The following AKT3 variants were observed in gnomAD, a reference collection of about 807,000 sequenced individuals.
AKT3 encodes the protein AKT serine/threonine kinase 3.
A neutral mutation model predicts 65.3 loss-of-function variants in AKT3; 15 were observed. That is an observed-to-expected ratio of 0.23 (90% CI 0.15 to 0.35). AKT3 has a LOEUF of 0.35. Ranked by LOEUF, AKT3 falls within the 10% of genes least tolerant of loss-of-function variation. AKT3 has a pLI of 1.00. For missense variants in AKT3, 243 were observed against 576.5 expected, an observed-to-expected ratio of 0.42 and a Z score of 5.92; for synonymous variants, 206 against 183.8, an observed-to-expected ratio of 1.12 and a Z score of -0.98.
chr1:243,838,094 C>A (rs1359975557), intron 2 of AKT3, among the ~76,000 whole-genome samples: 1 of 152,086 alleles, frequency 6.6e-6, no homozygotes, highest in African/African-American at 2.4e-5. Flanking sequence ...GTAACAGCAA[C>A]TTTACAATTC....
At chr1:243,690,012 A>T (rs1684587004) in intron 3 of AKT3, among the ~76,000 whole-genome samples, 1 of 152,192 alleles carries the variant, frequency 6.6e-6, no homozygotes, top group African/African-American at 2.4e-5. Context: ...AATTGTGCTT[A>T]TAAATGCAGA....
In AKT3 at chr1:243,501,605, T is replaced by A. The variant is rs2148337630; in HGVS notation, c.*3644A>T. ...AAGTAAAAATGATCCCCTATGTGTG[T>A]GTGTGTGAGCTACAAGGAATTATTT... On this transcript the variant is annotated 3_prime_UTR_variant, in exon 14 of 14. Transcript: ENST00000673466. 1 of 231,224 alleles carries A rather than the reference T, an allele frequency of 4.3e-6. No homozygotes were observed. The highest frequency in any genetic ancestry group is 1.8e-4 in the South Asian group (1 of 5,434). 14.3% of individuals were successfully genotyped at this position (231,224 alleles called of 1,614,324 possible).
chr1:243,614,982 C>A, intron 7 of AKT3, 114 bp downstream of exon 7: 1 of 802,468 alleles, frequency 1.2e-6, no homozygotes. Flanking sequence ...ACGTTCTTTC[C>A]ACAAAGAAAA....
At chr1:243,605,937 G>A (rs1345778676) in intron 8 of AKT3, among the ~76,000 whole-genome samples, 1 of 152,168 alleles carries the variant, frequency 6.6e-6, no homozygotes. Flanking sequence ...GATAGTGAGT[G>A]AGTTCTGATG....
In AKT3 at chr1:243,734,553, T is replaced by TA. The variant is rs201179506; in HGVS notation, c.47-38838dup. ...TACAGTAAAAATACAGTACACAGGG[T>TA]AAAAAAAAAAGTGGCACACCTCTAT... On this transcript the variant is annotated intron_variant, in intron 2 of 13. Coordinates refer to ENST00000673466, the MANE Select transcript of AKT3 (RefSeq NM_005465.7). Among the ~76,000 whole-genome samples the TA allele has an allele frequency of 1.8e-3, 266 of 146,648 alleles. 1 individual carries two copies. Among genetic ancestry groups the TA allele is most frequent in the African/African-American group, 5.2e-3 (208 of 39,998 alleles).
intron 2 of AKT3, among the ~76,000 whole-genome samples, chr1:243,760,566 G>A (rs1347402446): frequency 6.6e-6 from 1 of 152,048 alleles, no homozygotes; most frequent in Non-Finnish European, 1.5e-5. Context: ...GGTGCTTTAG[G>A]GGTCATTTGC....
In AKT3 at chr1:243,641,122, C is replaced by T. The variant is rs142705774; in HGVS notation, c.430-3380G>A. On this transcript the variant is annotated intron_variant, in intron 5 of 13. Coordinates refer to ENST00000673466, the MANE Select transcript of AKT3 (RefSeq NM_005465.7). ...TGCTGTGCTGGAGGCTTCCTGCCCT[C>T]GAACATCAACTCCAAGTTCTTCAGC... Among the ~76,000 whole-genome samples, 513 of 152,022 alleles carry T rather than the reference C, an allele frequency of 3.4e-3. 4 individuals are homozygous for T. The highest frequency in any genetic ancestry group is 0.012 in the African/African-American group (498 of 41,426).
intron 2 of AKT3, among the ~76,000 whole-genome samples, chr1:243,813,174 TA>T (rs958841573): frequency 4.6e-5 from 7 of 150,544 alleles, no homozygotes; most frequent in Admixed American, 1.3e-4. Flanking sequence ...ACTTAAAGTA[TA>T]AAAAAAAAGA....
At chr1:243,681,066 G>A (rs1022861511) in intron 3 of AKT3, among the ~76,000 whole-genome samples, 2 of 152,052 alleles carry the variant, frequency 1.3e-5, no homozygotes, top group Non-Finnish European at 2.9e-5. Flanking sequence ...AAAAAGCACT[G>A]GTCTGGAAAC....
intron 8 of AKT3, among the ~76,000 whole-genome samples, chr1:243,589,431 G>A (rs1485155599): frequency 6.6e-6 from 1 of 151,962 alleles, no homozygotes; most frequent in African/African-American, 2.4e-5. Context: ...ATGAAAAGGT[G>A]CTCAAGATAG....
chr1:243,638,210 T>G (rs1193248521), intron 5 of AKT3, among the ~76,000 whole-genome samples: 2 of 152,118 alleles, frequency 1.3e-5, no homozygotes, highest in African/African-American at 2.4e-5. Context: ...AAGAGAGAGA[T>G]ATAGGATATA....
At chr1:243,604,045 G>A (rs764964754) in intron 8 of AKT3, among the ~76,000 whole-genome samples, 13 of 151,748 alleles carry the variant, frequency 8.6e-5, no homozygotes, top group Admixed American at 2.0e-4. Context: ...ACAGGCATGC[G>A]CCACCAGGCC....
intron 8 of AKT3, among the ~76,000 whole-genome samples, chr1:243,598,849 C>A (rs1286873021): frequency 6.6e-6 from 1 of 152,132 alleles, no homozygotes; most frequent in Non-Finnish European, 1.5e-5. Context: ...GCATCTCCTT[C>A]TAGAAATCAT....
chr1:243,842,000 T>C (rs926412270), intron 2 of AKT3, among the ~76,000 whole-genome samples: 21 of 152,276 alleles, frequency 1.4e-4, no homozygotes, highest in African/African-American at 5.1e-4. Context: ...TTGCCAGGGT[T>C]AAGGGATGAG....
chr1:243,758,217 G>A (rs916583467), intron 2 of AKT3, among the ~76,000 whole-genome samples: 2 of 152,124 alleles, frequency 1.3e-5, no homozygotes, highest in African/African-American at 4.8e-5. Context: ...TATTTCCATG[G>A]GGGAGAAAAA....
At chr1:243,602,702 A>G (rs1677104483) in intron 8 of AKT3, among the ~76,000 whole-genome samples, 1 of 152,196 alleles carries the variant, frequency 6.6e-6, no homozygotes, top group Non-Finnish European at 1.5e-5. Context: ...AATCAAATAC[A>G]TGTTATCAAA....
rs149259027 is a variant in AKT3 at position 243,620,457 on chromosome 1, A to AT, written c.562-5297_562-5296insA. On this transcript the variant is annotated intron_variant, in intron 6 of 13. Coordinates refer to ENST00000673466, the MANE Select transcript of AKT3 (RefSeq NM_005465.7). ...TATGACACACTTTTACAAATTAAAC[A>AT]ATGATTACCAGTGATTATTATTTAC... Among the ~76,000 whole-genome samples, 298 of 41,204 alleles carry AT rather than the reference A, an allele frequency of 7.2e-3. 115 individuals are homozygous for AT. The highest frequency in any genetic ancestry group is 0.027 in the Non-Finnish European group (192 of 7,212). 27.0% of individuals were successfully genotyped at this position (41,204 alleles called of 152,430 possible).
intron 2 of AKT3, among the ~76,000 whole-genome samples, chr1:243,839,520 T>A (rs1433595442): frequency 6.6e-6 from 1 of 152,236 alleles, no homozygotes; most frequent in Non-Finnish European, 1.5e-5. Context: ...ACTATGGTAA[T>A]GTGTTATCTC....
chr1:243,630,285 T>C (rs1679508776), intron 6 of AKT3, among the ~76,000 whole-genome samples: 1 of 152,148 alleles, frequency 6.6e-6, no homozygotes, highest in Non-Finnish European at 1.5e-5. Context: ...TTAAATATCA[T>C]CAGCTCAAAA....
Sources: allele counts gnomAD v4.1 joint callset (sites outside exome capture counted in the v4.1 genomes callset), GRCh38; gene constraint gnomAD v4.1.1; transcripts MANE v1.5; gene names NCBI Gene and HGNC (gene_info 2026-07-23, HGNC 2026-07-21).